The following LINGO3 variants were observed in gnomAD, a reference collection of about 807,000 sequenced individuals.
The protein encoded by LINGO3 is leucine-rich repeat and immunoglobulin-like domain-containing nogo receptor-interacting protein 3.
For missense variants in LINGO3, 750 were observed against 867.7 expected, an observed-to-expected ratio of 0.86 and a Z score of 1.70; for synonymous variants, 427 against 444.2, an observed-to-expected ratio of 0.96 and a Z score of 0.49.
the LINGO3 span, among the ~76,000 whole-genome samples, chr19:2,301,965 A>G: frequency 6.7e-6 from 1 of 150,244 alleles, no homozygotes; most frequent in Admixed American, 6.6e-5. Context: ...AGAAAAGAAA[A>G]TGTACCAGTT....
At chr19:2,291,429 G>A (rs759534500) in exon 1 of LINGO3, 5 of 1,613,416 alleles carry the variant, frequency 3.1e-6, no homozygotes, top group South Asian at 2.2e-5. Context: ...CGGGCGGGAT[G>A]AGCTTCAGCT....
chr19:2,304,709 G>GTTT, the LINGO3 span, among the ~76,000 whole-genome samples: 1 of 81,946 alleles, frequency 1.2e-5, no homozygotes, highest in Non-Finnish European at 3.1e-5. Flanking sequence ...GCCATGTCCT[G>GTTT]CTTTTTTTTT....
At chr19:2,296,009 G>A (rs1338051574), upstream of LINGO3, among the ~76,000 whole-genome samples, 3 of 152,020 alleles carry the variant, frequency 2.0e-5, no homozygotes, top group Non-Finnish European at 2.9e-5. Context: ...GCGAGAGAGG[G>A]GGCATGCCCC....
At chr19:2,303,915 C>G in the LINGO3 span, among the ~76,000 whole-genome samples, 1 of 152,218 alleles carries the variant, frequency 6.6e-6, no homozygotes, top group Non-Finnish European at 1.5e-5. Flanking sequence ...CACTGACTGC[C>G]TTGGGCAGAG....
downstream of LINGO3, among the ~76,000 whole-genome samples, chr19:2,289,411 G>T (rs1165891710): frequency 6.6e-6 from 1 of 152,018 alleles, no homozygotes; most frequent in Admixed American, 6.6e-5. Context: ...TGTCGGCTGG[G>T]TGTGAGGTGT....
At chr19:2,291,419 C>A in exon 1 of LINGO3, 1 of 1,613,438 alleles carries the variant, frequency 6.2e-7, no homozygotes, top group Non-Finnish European at 8.5e-7. Flanking sequence ...GTGAAGACCC[C>A]GGGCGGGATG....
At chr19:2,302,307 C>T in the LINGO3 span, among the ~76,000 whole-genome samples, 5 of 152,120 alleles carry the variant, frequency 3.3e-5, no homozygotes, top group African/African-American at 4.8e-5. Flanking sequence ...GTGATCAGCC[C>T]GCCCCAGCCT....
In LINGO3 at chr19:2,290,385, C is replaced by A. The variant is rs575773882; in HGVS notation, c.1392G>T (p.Thr464=). The A allele has an allele frequency of 6.1e-6, 9 of 1,475,364 alleles. No individual in the cohort carries two copies. In the East Asian group the frequency reaches 2.3e-4, roughly 38 times the overall value. 91.4% of individuals were successfully genotyped at this position (1,475,364 alleles called of 1,614,324 possible). Residue 464 remains threonine, a synonymous_variant, in exon 1 of 1, where the codon ACG becomes ACT. Transcript: ENST00000585527. This position sits in a 1 kb window ranked among gnomAD's most constrained non-coding sequence, Gnocchi z 6.0. The stretch of plus-strand genomic sequence containing the variant: ...GCGGCCGCGCGTCCTGGATCTCCAG[C>A]GTCCCCCCGGGGAGCACGCGCGCCC...
At chr19:2,308,142 A>AGCC in the LINGO3 span, among the ~76,000 whole-genome samples, 60,271 of 139,530 alleles carry the variant, frequency 0.43, 13,758 homozygotes, top group Middle Eastern at 0.51. Flanking sequence ...CGACACGAGC[A>AGCC]GCCGCCGCCG....
At chr19:2,299,959 G>A in the LINGO3 span, among the ~76,000 whole-genome samples, 1 of 150,486 alleles carries the variant, frequency 6.6e-6, no homozygotes, top group Admixed American at 6.6e-5. Flanking sequence ...TCCTGATCTC[G>A]TGATCCACCG....
exon 1 of LINGO3, chr19:2,291,759 G>A (rs1457097630): frequency 3.6e-6 from 5 of 1,378,220 alleles, no homozygotes; most frequent in Non-Finnish European, 4.7e-6. Context: ...GGCTCAGGAC[G>A]CACAGCCAGC....
chr19:2,307,723 T>C, the LINGO3 span, among the ~76,000 whole-genome samples: 1 of 151,710 alleles, frequency 6.6e-6, no homozygotes, highest in South Asian at 2.1e-4. Context: ...TATTCGGACG[T>C]TCCCCACACC....
chr19:2,291,291 C>T, exon 1 of LINGO3: 1 of 1,612,688 alleles, frequency 6.2e-7, no homozygotes, highest in Non-Finnish European at 8.5e-7. Flanking sequence ...AGACGAATAC[C>T]AGGTCGTTGT....
At chr19:2,299,798 A>C in the LINGO3 span, among the ~76,000 whole-genome samples, 1 of 137,886 alleles carries the variant, frequency 7.3e-6, no homozygotes, top group African/African-American at 2.8e-5. Context: ...ATCTCGGCTC[A>C]CTGCAAGCTT....
chr19:2,291,380 G>C, exon 1 of LINGO3: 1 of 1,613,516 alleles, frequency 6.2e-7, no homozygotes, highest in South Asian at 1.1e-5. Context: ...TTCTCGCTCA[G>C]GTCCAGCAGC....
chr19:2,308,066 G>T, the LINGO3 span, among the ~76,000 whole-genome samples: 1 of 150,074 alleles, frequency 6.7e-6, no homozygotes, highest in African/African-American at 2.4e-5. Context: ...GCCCCGGCAC[G>T]GCCACTCACC....
the LINGO3 span, among the ~76,000 whole-genome samples, chr19:2,307,767 T>C: frequency 6.6e-6 from 1 of 151,820 alleles, no homozygotes; most frequent in Non-Finnish European, 1.5e-5. Context: ...CATCTCCTCC[T>C]GGAGAGGAGC....
rs771736645 is a variant in LINGO3, at chr19:2,290,158, C to T, written c.1619G>A (p.Gly540Asp). The change falls in exon 1 of 1, where the codon GGC (glycine) becomes GAC (aspartate). Residue 540 changes from glycine to aspartate, a missense_variant. By Grantham distance (94) the Gly-to-Asp change is moderately conservative. Coordinates refer to ENST00000585527, the Ensembl canonical transcript of LINGO3. The surrounding 1 kb of genome is among the most constrained non-coding windows in gnomAD (Gnocchi z 6.0). ...CAGCACGAAGCAGAAGAGGACCACG[C>T]CCAGGAAGGTGATGCAGCCCATGGC... 6 of 1,612,630 alleles carry T rather than the reference C, an allele frequency of 3.7e-6. No homozygotes were observed. The highest frequency in any genetic ancestry group is 5.1e-6 in the Non-Finnish European group (6 of 1,179,660).
At chr19:2,302,664 G>C in the LINGO3 span, among the ~76,000 whole-genome samples, 1 of 152,242 alleles carries the variant, frequency 6.6e-6, no homozygotes, top group Admixed American at 6.5e-5. Flanking sequence ...CCGGTCTCGG[G>C]AGTCTGGGGG....
Sources: gnomAD v4.1 joint callset for allele counts (sites outside exome capture counted in the v4.1 genomes callset) on GRCh38, gnomAD v4.1.1 for gene constraint, Gnocchi (gnomAD v3.1) non-coding constraint, MANE v1.5 for transcripts, NCBI Gene and HGNC (gene_info 2026-07-23, HGNC 2026-07-21) for gene names.